Variants in MAF observed in about 807,000 individuals in gnomAD.
MAF encodes transcription factor Maf.
MAF carries 10 observed loss-of-function variants against 22.0 expected under a neutral mutation model. That is an observed-to-expected ratio of 0.45 (90% CI 0.28 to 0.77). The LOEUF is 0.77. Among genes scored for constraint, MAF ranks in the 30% least tolerant of loss-of-function variants. The pLI is 0.12. For missense variants in MAF, 544 were observed against 548.4 expected, an observed-to-expected ratio of 0.99 and a Z score of 0.08; for synonymous variants, 337 against 255.8, an observed-to-expected ratio of 1.32 and a Z score of -3.03.
chr16:79,251,048 C>T, the MAF span, among the ~76,000 whole-genome samples: 1 of 152,102 alleles, frequency 6.6e-6, no homozygotes. Flanking sequence ...TACCACCTGA[C>T]CTTCAGAGCA....
the MAF span, among the ~76,000 whole-genome samples, chr16:79,555,438 C>T: frequency 6.6e-6 from 1 of 152,172 alleles, no homozygotes; most frequent in South Asian, 2.1e-4. Flanking sequence ...AAGTCTTTGA[C>T]AGGAAAAAAG....
the MAF span, among the ~76,000 whole-genome samples, chr16:79,503,946 T>C: frequency 0.039 from 5,878 of 152,320 alleles, 367 homozygotes; most frequent in African/African-American, 0.13. Context: ...AATAAAACTA[T>C]TAAATCCATA....
the MAF span, among the ~76,000 whole-genome samples, chr16:79,346,535 T>C: frequency 6.6e-6 from 1 of 152,156 alleles, no homozygotes; most frequent in African/African-American, 2.4e-5. Flanking sequence ...CACATTTAAA[T>C]CCAAATAATG....
chr16:79,311,497 T>TAA, the MAF span, among the ~76,000 whole-genome samples: 46 of 136,698 alleles, frequency 3.4e-4, no homozygotes, highest in Middle Eastern at 3.7e-3. Context: ...TTGTTTTCTT[T>TAA]AAAAAAAAAA....
the MAF span, among the ~76,000 whole-genome samples, chr16:79,228,795 G>C: frequency 1.3e-5 from 2 of 151,904 alleles, no homozygotes. Flanking sequence ...GGGGGTTAGG[G>C]CAGGGGGAGG....
the MAF span, among the ~76,000 whole-genome samples, chr16:79,392,120 G>A: frequency 6.7e-6 from 1 of 148,454 alleles, no homozygotes; most frequent in Non-Finnish European, 1.5e-5. Flanking sequence ...AGAGGAAAGA[G>A]AAGAAGAGAG....
the MAF span, chr16:79,212,281 C>T: frequency 3.4e-6 from 4 of 1,171,100 alleles, no homozygotes. Flanking sequence ...CTGACCAAGA[C>T]TGAGCCAGCT....
At chr16:79,316,203 G>C in the MAF span, among the ~76,000 whole-genome samples, 1 of 152,320 alleles carries the variant, frequency 6.6e-6, no homozygotes, top group East Asian at 1.9e-4. Flanking sequence ...TTTGATGGTG[G>C]AGACTACTTT....
chr16:79,591,478 G>A (rs1304869391), downstream of MAF, among the ~76,000 whole-genome samples: 1 of 152,206 alleles, frequency 6.6e-6, no homozygotes, highest in African/African-American at 2.4e-5. Context: ...TAATTATAGG[G>A]AAAACTGTTA....
the MAF span, among the ~76,000 whole-genome samples, chr16:79,485,110 G>C: frequency 6.6e-6 from 1 of 152,232 alleles, no homozygotes; most frequent in African/African-American, 2.4e-5. Flanking sequence ...CATGAGACGT[G>C]GTATAGATAC....
the MAF span, among the ~76,000 whole-genome samples, chr16:79,391,981 G>C: frequency 6.7e-6 from 1 of 150,016 alleles, no homozygotes; most frequent in Non-Finnish European, 1.5e-5. Flanking sequence ...AGAGAAGGGA[G>C]AGGCGAGAGA....
chr16:79,274,405 G>T, the MAF span, among the ~76,000 whole-genome samples: 1 of 152,242 alleles, frequency 6.6e-6, no homozygotes, highest in South Asian at 2.1e-4. Flanking sequence ...CGCAATTCCA[G>T]GAGAGGCCCA....
chr16:79,308,776 C>G, the MAF span, among the ~76,000 whole-genome samples: 1 of 152,126 alleles, frequency 6.6e-6, no homozygotes, highest in Non-Finnish European at 1.5e-5. Context: ...AGTTGCAGAG[C>G]TGGAAAGTGG....
At chr16:79,579,506 T>C in the MAF span, among the ~76,000 whole-genome samples, 8 of 152,118 alleles carry the variant, frequency 5.3e-5, no homozygotes, top group African/African-American at 1.7e-4. Context: ...AGTTTACCGA[T>C]ACCAAACTTT....
chr16:79,468,605 T>C, the MAF span, among the ~76,000 whole-genome samples: 1 of 152,164 alleles, frequency 6.6e-6, no homozygotes, highest in Non-Finnish European at 1.5e-5. Flanking sequence ...CTTAACCTGC[T>C]CAGCCCCAGC....
chr16:79,493,015 G>C, the MAF span, among the ~76,000 whole-genome samples: 1 of 151,918 alleles, frequency 6.6e-6, no homozygotes, highest in South Asian at 2.1e-4. Context: ...CTGGAGTGCA[G>C]TGGCACAACC....
the MAF span, among the ~76,000 whole-genome samples, chr16:79,333,480 T>G: frequency 6.6e-6 from 1 of 152,066 alleles, no homozygotes; most frequent in Non-Finnish European, 1.5e-5. Context: ...CCTGAGGAGG[T>G]GCCCATAGGA....
chr16:79,320,187 C>A, the MAF span, among the ~76,000 whole-genome samples: 1 of 152,136 alleles, frequency 6.6e-6, no homozygotes, highest in Admixed American at 6.5e-5. Flanking sequence ...ACAATGGAAA[C>A]CACTGAAAAG....
the MAF span, among the ~76,000 whole-genome samples, chr16:79,547,330 TAC>T: frequency 6.6e-5 from 10 of 151,884 alleles, no homozygotes; most frequent in South Asian, 2.1e-4. Context: ...TGTACACACA[TAC>T]ACACACGTAC....
Sources: allele counts gnomAD v4.1 joint callset (sites outside exome capture counted in the v4.1 genomes callset), GRCh38; gene constraint gnomAD v4.1.1; transcripts MANE v1.5; gene names NCBI Gene and HGNC (gene_info 2026-07-23, HGNC 2026-07-21).